LRFN5: variants seen among roughly 807,000 people sequenced by gnomAD.
LRFN5 encodes the protein leucine rich repeat and fibronectin type III domain containing 5, also known as leucine-rich repeat and fibronectin type-III domain-containing protein 5.
In LRFN5, 24 loss-of-function variants were observed where a neutral mutation model predicts 45.6. The observed-to-expected ratio is 0.53, with a 90% CI of 0.38 to 0.74. LRFN5 has a LOEUF of 0.74. LRFN5 is among the 30% of genes least tolerant of loss of function. The probability of loss-of-function intolerance (pLI) is 0.00; values close to 1 mark genes in which losing one functional copy is unlikely to be tolerated. For missense variants in LRFN5, 776 were observed against 861.5 expected, an observed-to-expected ratio of 0.90 and a Z score of 1.24; for synonymous variants, 340 against 313.8, an observed-to-expected ratio of 1.08 and a Z score of -0.88.
chr14:41,715,039 G>A (rs1371412897), intron 1 of LRFN5, among the ~76,000 whole-genome samples: 2 of 152,074 alleles, frequency 1.3e-5, no homozygotes, highest in Admixed American at 6.6e-5. Context: ...GTGGTGGAAG[G>A]TATGCAGAGG....
rs1887504704 is a variant in LRFN5 at position 41,606,943 on chromosome 14, C to T, written c.-1816C>T. On this transcript the variant is annotated 5_prime_UTR_variant, in exon 1 of 6. Coordinates refer to ENST00000298119, the MANE Select transcript of LRFN5 (RefSeq NM_152447.5). ...CACGCGGCCAGGAGGCCGCCGTTGCCCACACGCGACGCTTTGGGAAGCCCA... is the reference window on the plus strand; with the variant it reads ...CACGCGGCCAGGAGGCCGCCGTTGCTCACACGCGACGCTTTGGGAAGCCCA... Among the ~76,000 whole-genome samples the T allele has an allele frequency of 6.6e-6, 1 of 151,932 alleles. No individual in the cohort carries two copies. Among genetic ancestry groups the T allele is most frequent in the Admixed American group, 6.6e-5 (1 of 15,264 alleles).
intron 2 of LRFN5, among the ~76,000 whole-genome samples, chr14:41,872,937 T>C (rs1047202101): frequency 1.2e-4 from 18 of 152,242 alleles, no homozygotes; most frequent in Admixed American, 1.1e-3. Flanking sequence ...TATGATAGTT[T>C]ATTCTGTTTT....
chr14:41,820,710 G>A (rs1393281025), intron 2 of LRFN5, among the ~76,000 whole-genome samples: 2 of 151,818 alleles, frequency 1.3e-5, no homozygotes, highest in Non-Finnish European at 2.9e-5. Flanking sequence ...GCTTTGGTTA[G>A]CATATTCATC....
At chr14:41,675,691 G>A (rs951390123) in intron 1 of LRFN5, among the ~76,000 whole-genome samples, 1 of 152,054 alleles carries the variant, frequency 6.6e-6, no homozygotes, top group African/African-American at 2.4e-5. Flanking sequence ...AAATGAATAA[G>A]CCTTTATTTC....
At chr14:41,836,422 T>C (rs970787221) in intron 2 of LRFN5, among the ~76,000 whole-genome samples, 2 of 152,162 alleles carry the variant, frequency 1.3e-5, no homozygotes, top group Non-Finnish European at 2.9e-5. Context: ...AGTAGACATG[T>C]GTATGTTTGG....
At chr14:41,735,795 C>G (rs1485695073) in intron 1 of LRFN5, among the ~76,000 whole-genome samples, 1 of 151,968 alleles carries the variant, frequency 6.6e-6, no homozygotes, top group Non-Finnish European at 1.5e-5. Context: ...GTGATGTTCC[C>G]CTCCCTGTGT....
intron 1 of LRFN5, among the ~76,000 whole-genome samples, chr14:41,706,907 C>G (rs1228205268): frequency 1.3e-5 from 2 of 152,126 alleles, no homozygotes; most frequent in African/African-American, 4.8e-5. Context: ...TGGGTCCAGT[C>G]TGTGTTCTGT....
chr14:41,828,352 G>A (rs1265005577), intron 2 of LRFN5, among the ~76,000 whole-genome samples: 1 of 151,846 alleles, frequency 6.6e-6, no homozygotes, highest in Non-Finnish European at 1.5e-5. Flanking sequence ...TATTTTGTAG[G>A]CATCAGATTA....
chr14:41,806,990 T>C (rs568049587), intron 2 of LRFN5, among the ~76,000 whole-genome samples: 1 of 152,210 alleles, frequency 6.6e-6, no homozygotes, highest in South Asian at 2.1e-4. Flanking sequence ...TCTAGAGAAG[T>C]AACTACACTA....
intron 1 of LRFN5, among the ~76,000 whole-genome samples, chr14:41,620,663 A>G (rs965092981): frequency 2.6e-5 from 4 of 152,106 alleles, no homozygotes; most frequent in East Asian, 3.8e-4. Context: ...CTATGTGAGT[A>G]TATGACTATC....
intron 1 of LRFN5, among the ~76,000 whole-genome samples, chr14:41,670,460 T>C (rs1881151838): frequency 1.3e-5 from 2 of 150,974 alleles, no homozygotes; most frequent in African/African-American, 2.4e-5. Flanking sequence ...CATTAACCTA[T>C]TTAAAAATCA....
At chr14:41,843,124 C>T (rs1481684167) in intron 2 of LRFN5, among the ~76,000 whole-genome samples, 1 of 140,366 alleles carries the variant, frequency 7.1e-6, no homozygotes, top group East Asian at 2.1e-4. Flanking sequence ...CTCACTCTGT[C>T]TCCCAGGATG....
rs941615433 is a variant in LRFN5 at position 41,904,257 on chromosome 14, A to G, written c.*82A>G. The stretch of plus-strand genomic sequence containing the variant: ...ATAAAATTCAAAAATGTTTCAATTC[A>G]CAAAGGCTAATTGTTGAACTGGTGT... On this transcript the variant is annotated 3_prime_UTR_variant, in exon 6 of 6. Transcript: ENST00000298119. The G allele has an allele frequency of 1.3e-6, 2 of 1,502,100 alleles. No homozygotes were observed. The highest frequency in any genetic ancestry group is 1.4e-5 in the African/African-American group (1 of 72,472). The allele number at this position is 1,502,100 out of a possible 1,614,324, so 93.0% of individuals were successfully genotyped here.
intron 2 of LRFN5, among the ~76,000 whole-genome samples, chr14:41,831,005 A>G (rs1231873672): frequency 6.6e-6 from 1 of 152,180 alleles, no homozygotes; most frequent in Non-Finnish European, 1.5e-5. Context: ...TCTGGGAAAC[A>G]TTGCTCCAGC....
At chr14:41,748,979 A>C (rs1885026183) in intron 1 of LRFN5, among the ~76,000 whole-genome samples, 1 of 151,966 alleles carries the variant, frequency 6.6e-6, no homozygotes, top group Admixed American at 6.6e-5. Context: ...GCATCTGGCA[A>C]GGGTCACTCC....
chr14:41,628,816 C>T (rs1276782621), intron 1 of LRFN5, among the ~76,000 whole-genome samples: 2 of 152,070 alleles, frequency 1.3e-5, no homozygotes, highest in Non-Finnish European at 2.9e-5. Context: ...CAGGAAACTT[C>T]GTGTGCCCTG....
chr14:41,693,566 G>T (rs1356818305), intron 1 of LRFN5, among the ~76,000 whole-genome samples: 1 of 151,626 alleles, frequency 6.6e-6, no homozygotes, highest in Non-Finnish European at 1.5e-5. Context: ...ATTTTTCTTT[G>T]CTGTTATTGA....
At chr14:41,666,075 C>T (rs1462207949) in intron 1 of LRFN5, among the ~76,000 whole-genome samples, 1 of 151,936 alleles carries the variant, frequency 6.6e-6, no homozygotes, top group Non-Finnish European at 1.5e-5. Flanking sequence ...GCATTCTCTT[C>T]ACATAAAAAT....
chr14:41,748,996 GA>G (rs1316456200), intron 1 of LRFN5, among the ~76,000 whole-genome samples: 1 of 151,928 alleles, frequency 6.6e-6, no homozygotes, highest in Non-Finnish European at 1.5e-5. Flanking sequence ...CTCCATGATA[GA>G]AGGGCTGAAG....
Sources: allele counts gnomAD v4.1 joint callset (sites outside exome capture counted in the v4.1 genomes callset), GRCh38; gene constraint gnomAD v4.1.1; transcripts MANE v1.5; gene names NCBI Gene and HGNC (gene_info 2026-07-23, HGNC 2026-07-21).